AP3S1: variants seen among roughly 807,000 people sequenced by gnomAD.
The protein encoded by AP3S1 is AP-3 complex subunit sigma-1.
In AP3S1, 12 loss-of-function variants were observed where a neutral mutation model predicts 21.3. The observed-to-expected ratio is 0.56, with a 90% CI of 0.36 to 0.91. The LOEUF is 0.91. AP3S1 is among the 40% of genes least tolerant of loss of function. The pLI is 0.01. For missense variants in AP3S1, 116 were observed against 225.0 expected (o/e 0.52, Z 3.10); for synonymous variants, 48 against 78.4 (o/e 0.61, Z 2.05).
At position 115,913,354 on chromosome 5, in the gene AP3S1, G is replaced by A. The variant is rs1482524861; in HGVS notation, c.454-8G>A. On this transcript the variant is annotated splice_polypyrimidine_tract_variant and splice_region_variant and intron_variant, in intron 5 of 5. Coordinates refer to ENST00000316788, the MANE Select transcript of AP3S1 (RefSeq NM_001284.4). ...TTTTCTTTTTCTTTTATTTGCTTCT[G>A]TATACAGGCTGGCTTAGCAGGAGCT... is the stretch of plus-strand genomic sequence containing the variant. The A allele has an allele frequency of 4.5e-5, 22 of 490,478 alleles. No individual in the cohort carries two copies. The highest frequency in any genetic ancestry group is 2.4e-4 in the African/African-American group (4 of 16,896). The allele number at this position is 490,478 out of a possible 1,614,324, so 30.4% of individuals were successfully genotyped here. A position where few individuals can be genotyped will look rare whatever the true frequency, so the allele number is the denominator to read the frequency against.
At chr5:115,859,810 G>A (rs1375124865) in intron 1 of AP3S1, among the ~76,000 whole-genome samples, 2 of 152,158 alleles carry the variant, frequency 1.3e-5, no homozygotes, top group South Asian at 2.1e-4. Context: ...CTGCCTAGAC[G>A]GTGAAGAAGG....
intron 2 of AP3S1, among the ~76,000 whole-genome samples, chr5:115,869,431 C>T (rs1176908395): frequency 3.3e-5 from 5 of 152,166 alleles, no homozygotes; most frequent in South Asian, 2.1e-4. Context: ...ATCTAATTTC[C>T]GCCTACTTCT....
At chr5:115,882,284 T>C (rs766691219) in intron 3 of AP3S1, among the ~76,000 whole-genome samples, 2 of 152,158 alleles carry the variant, frequency 1.3e-5, no homozygotes, top group Non-Finnish European at 2.9e-5. Context: ...AGAGGCAGTC[T>C]GGCTTTTGGA....
At chr5:115,906,243 T>A (rs1334696767) in intron 5 of AP3S1, among the ~76,000 whole-genome samples, 1 of 152,202 alleles carries the variant, frequency 6.6e-6, no homozygotes, top group Non-Finnish European at 1.5e-5. Context: ...TTTTTAAAAA[T>A]TATTTAAGTA....
At chr5:115,902,717 T>C (rs963834627) in intron 4 of AP3S1, among the ~76,000 whole-genome samples, 168 bp from the exon 5 acceptor site, 1 of 152,212 alleles carries the variant, frequency 6.6e-6, no homozygotes, top group Non-Finnish European at 1.5e-5. Context: ...TATAACTGCC[T>C]AGGGCTTCAC....
rs1227000323 is a variant in AP3S1, at chr5:115,902,879, C to G, written c.346-6C>G. On this transcript the variant is annotated splice_polypyrimidine_tract_variant and splice_region_variant and intron_variant, in intron 4 of 5. Coordinates refer to ENST00000316788, the MANE Select transcript of AP3S1 (RefSeq NM_001284.4). ...TTATGGGTATATATTCTTTTATTCC[C>G]TTTAGGTTCACAATATTCTTGCAGA... 8.3e-6 allele frequency: 2 copies of G among 241,938 alleles called. No individual in the cohort carries two copies. The highest frequency in any genetic ancestry group is 6.4e-5 in the Admixed American group (1 of 15,510). 15.0% of individuals were successfully genotyped at this position (241,938 alleles called of 1,614,324 possible).
At chr5:115,849,380 A>G (rs568359055) in intron 1 of AP3S1, among the ~76,000 whole-genome samples, 1 of 152,356 alleles carries the variant, frequency 6.6e-6, no homozygotes, top group South Asian at 2.1e-4. Flanking sequence ...AAAACAGTAA[A>G]GAAAAGAATG....
In AP3S1 at chr5:115,861,860, C is replaced by CTTT. The variant is rs1485174401; in HGVS notation, c.70-4808_70-4806dup. ...CTGAACCAGGCCAAAATTTTCTTTTCTTTTCTTTTTTTTTTTTTTTTTTTG... is the reference window on the plus strand; with the variant it reads ...CTGAACCAGGCCAAAATTTTCTTTTCTTTTTTTCTTTTTTTTTTTTTTTTTTTG... On this transcript the variant is annotated intron_variant, in intron 1 of 5. Transcript: ENST00000316788. 1.3e-3 allele frequency among the ~76,000 whole-genome samples: 151 copies of CTTT among 120,014 alleles called. 4 individuals are homozygous for CTTT. The highest frequency in any genetic ancestry group is 2.1e-3 in the African/African-American group (63 of 30,458). The allele number at this position is 120,014 out of a possible 152,430, so 78.7% of individuals were successfully genotyped here.
chr5:115,875,246 A>G (rs1474229235), intron 3 of AP3S1, among the ~76,000 whole-genome samples: 1 of 152,138 alleles, frequency 6.6e-6, no homozygotes, highest in African/African-American at 2.4e-5. Flanking sequence ...TGACACATTT[A>G]TGTGATAAGA....
intron 1 of AP3S1, among the ~76,000 whole-genome samples, chr5:115,844,175 T>G (rs942965956): frequency 6.6e-6 from 1 of 152,216 alleles, no homozygotes; most frequent in Admixed American, 6.5e-5. Flanking sequence ...TTGAGGGCAG[T>G]TATTTTTTTT....
At chr5:115,853,695 G>T (rs758254298) in intron 1 of AP3S1, among the ~76,000 whole-genome samples, 1 of 152,072 alleles carries the variant, frequency 6.6e-6, no homozygotes, top group Admixed American at 6.6e-5. Context: ...TTAGTTGTTT[G>T]AGCACCATTT....
intron 3 of AP3S1, among the ~76,000 whole-genome samples, chr5:115,881,537 C>T (rs1002168637): frequency 3.3e-5 from 5 of 152,188 alleles, no homozygotes; most frequent in Non-Finnish European, 7.3e-5. Flanking sequence ...TGTTTTCTGG[C>T]TTACAAGCCA....
intron 1 of AP3S1, among the ~76,000 whole-genome samples, chr5:115,848,537 AC>A (rs1762222502): frequency 6.6e-6 from 1 of 152,246 alleles, no homozygotes; most frequent in Non-Finnish European, 1.5e-5. Context: ...AATTAAACTT[AC>A]CTGTGTAACC....
At chr5:115,871,072 A>T (rs929114533) in intron 3 of AP3S1, among the ~76,000 whole-genome samples, 1 of 152,218 alleles carries the variant, frequency 6.6e-6, no homozygotes, top group Non-Finnish European at 1.5e-5. Flanking sequence ...ATGGATACTA[A>T]GCATGTCTGC....
chr5:115,863,418 C>T (rs556888932), intron 1 of AP3S1, among the ~76,000 whole-genome samples: 1 of 150,192 alleles, frequency 6.7e-6, no homozygotes, highest in East Asian at 2.0e-4. Flanking sequence ...AATAAAAATA[C>T]AAAAATTAGC....
rs144757520 is a variant in AP3S1, at chr5:115,846,388, T to A, written c.69+4282T>A. On this transcript the variant is annotated intron_variant, in intron 1 of 5. Coordinates refer to ENST00000316788, the MANE Select transcript of AP3S1 (RefSeq NM_001284.4). ...TTGTTTCTTCAGATATAAAATACTG[T>A]GTGTATGTATGCATGTGTGTGTACA... Among the ~76,000 whole-genome samples, 49 of 152,306 alleles carry A rather than the reference T, an allele frequency of 3.2e-4. No individual in the cohort carries two copies. In the East Asian group the frequency reaches 6.0e-3, roughly 19 times the overall value.
At chr5:115,865,547 G>A (rs908534093) in intron 1 of AP3S1, among the ~76,000 whole-genome samples, 44 of 152,216 alleles carry the variant, frequency 2.9e-4, no homozygotes, top group African/African-American at 1.1e-3. Flanking sequence ...GTGATTATAT[G>A]TTTACCCTCC....
intron 3 of AP3S1, among the ~76,000 whole-genome samples, chr5:115,871,441 A>G (rs1008681332): frequency 1.3e-5 from 2 of 152,102 alleles, no homozygotes; most frequent in African/African-American, 2.4e-5. Flanking sequence ...CCATCTCACT[A>G]TGTACCCATT....
rs551371804 is a variant in AP3S1, at chr5:115,879,366, T to C, written c.273+9238T>C. On this transcript the variant is annotated intron_variant, in intron 3 of 5. Coordinates refer to ENST00000316788, the MANE Select transcript of AP3S1 (RefSeq NM_001284.4). ...AAATAGCTCTTATTATTTTGAGATATGTTCCATCTATACGTAGTTTACTGA... is the reference window on the plus strand; with the variant it reads ...AAATAGCTCTTATTATTTTGAGATACGTTCCATCTATACGTAGTTTACTGA... Among the ~76,000 whole-genome samples, 11 of 152,306 alleles carry C rather than the reference T, an allele frequency of 7.2e-5. No individual in the cohort carries two copies. In the East Asian group the frequency reaches 7.7e-4, roughly 11 times the overall value.
Sources: allele counts gnomAD v4.1 joint callset (sites outside exome capture counted in the v4.1 genomes callset), GRCh38; gene constraint gnomAD v4.1.1; transcripts MANE v1.5; gene names NCBI Gene and HGNC (gene_info 2026-07-23, HGNC 2026-07-21).